SYTL3: variants seen among roughly 807,000 people sequenced by gnomAD.
SYTL3 encodes the protein synaptotagmin-like protein 3.
Under a neutral mutation model 82.1 loss-of-function variants are expected in SYTL3, and 88 were observed. The ratio of observed to expected loss-of-function variants is 1.07; its 90% confidence interval spans 0.90 to 1.28. The LOEUF is 1.28. Among genes scored for constraint, SYTL3 ranks in the 50% most tolerant of loss-of-function variants. SYTL3 has a pLI of 0.00. For missense variants in SYTL3, 831 were observed against 757.6 expected (o/e 1.10, Z -1.14); for synonymous variants, 311 against 289.4 (o/e 1.07, Z -0.76).
chr6:158,677,524 C>T (rs1279183483), intron 5 of SYTL3, among the ~76,000 whole-genome samples: 2 of 151,370 alleles, frequency 1.3e-5, no homozygotes, highest in African/African-American at 4.9e-5. Context: ...ACGTTGTGCA[C>T]ATGTACCCTA....
chr6:158,669,651 C>G (rs1777138226), intron 5 of SYTL3, among the ~76,000 whole-genome samples: 1 of 152,228 alleles, frequency 6.6e-6, no homozygotes, highest in Non-Finnish European at 1.5e-5. Flanking sequence ...CAACAAAGAG[C>G]TGCTTAAGTG....
At chr6:158,695,450 A>T (rs1780456933) in intron 6 of SYTL3, among the ~76,000 whole-genome samples, 1 of 152,174 alleles carries the variant, frequency 6.6e-6, no homozygotes, top group South Asian at 2.1e-4. Flanking sequence ...CATATGAATA[A>T]TTTTTTAAAA....
intron 7 of SYTL3, among the ~76,000 whole-genome samples, chr6:158,707,613 A>C (rs1293751816): frequency 6.6e-6 from 1 of 152,228 alleles, no homozygotes; most frequent in Non-Finnish European, 1.5e-5. Flanking sequence ...GCTTTGATTA[A>C]TCATGCCTAT....
At chr6:158,650,813 T>C (rs1351626439) in intron 1 of SYTL3, among the ~76,000 whole-genome samples, 1 of 150,222 alleles carries the variant, frequency 6.7e-6, no homozygotes, top group Non-Finnish European at 1.5e-5. Flanking sequence ...TAGCTGGGTG[T>C]GGTGGCAGGC....
chr6:158,731,208 C>T (rs555411308), intron 11 of SYTL3, among the ~76,000 whole-genome samples: 21 of 150,974 alleles, frequency 1.4e-4, no homozygotes, highest in African/African-American at 3.4e-4. Context: ...AGCTTGAACC[C>T]GGGAGGCGGA....
intron 13 of SYTL3, among the ~76,000 whole-genome samples, chr6:158,752,289 G>A (rs1788497741): frequency 6.6e-6 from 1 of 152,190 alleles, no homozygotes; most frequent in African/African-American, 2.4e-5. Context: ...TGGTGAAAAA[G>A]AACCTGGCTG....
In SYTL3 at chr6:158,663,204, G is replaced by A; in HGVS notation, c.-65G>A. The stretch of plus-strand genomic sequence containing the variant: ...AGCTGGCCTCCGCCGCTCATCTGCA[G>A]GGCGTGAGCGCTTGGTCCATGCAGT... On this transcript the variant is annotated 5_prime_UTR_variant, in exon 4 of 18. Transcript: ENST00000611299. The A allele has an allele frequency of 6.8e-7, 1 of 1,470,614 alleles. No homozygotes were observed. Among genetic ancestry groups the A allele is most frequent in the South Asian group, 1.1e-5 (1 of 87,324 alleles). The allele number at this position is 1,470,614 out of a possible 1,614,324, so 91.1% of individuals were successfully genotyped here.
chr6:158,683,195 C>T (rs1245718137), intron 6 of SYTL3, among the ~76,000 whole-genome samples: 1 of 150,912 alleles, frequency 6.6e-6, no homozygotes, highest in Non-Finnish European at 1.5e-5. Context: ...GCATTTCTAC[C>T]TCTGAGGTTG....
intron 11 of SYTL3, among the ~76,000 whole-genome samples, chr6:158,727,044 G>C (rs1303512616): frequency 6.6e-6 from 1 of 151,610 alleles, no homozygotes; most frequent in Non-Finnish European, 1.5e-5. Flanking sequence ...TAGAGACGGG[G>C]TTTCACCATG....
At chr6:158,696,362 A>ATTTTTTT (rs57832098) in intron 6 of SYTL3, among the ~76,000 whole-genome samples, 1 of 140,162 alleles carries the variant, frequency 7.1e-6, no homozygotes. Flanking sequence ...ACCACGCCTA[A>ATTTTTTT]TTTTTTTTTT....
chr6:158,655,350 T>C (rs1440214153), intron 2 of SYTL3, among the ~76,000 whole-genome samples: 1 of 152,132 alleles, frequency 6.6e-6, no homozygotes, highest in Admixed American at 6.6e-5. Flanking sequence ...GGAGTAAATC[T>C]CCGTGTCGCA....
intron 10 of SYTL3, 52 bp downstream of exon 10, chr6:158,718,263 C>G: frequency 7.3e-7 from 1 of 1,369,940 alleles, no homozygotes; most frequent in Non-Finnish European, 9.5e-7. Context: ...TGTTGTCTTC[C>G]AGAACTTTCT....
chr6:158,686,512 G>A (rs565246115), intron 6 of SYTL3, among the ~76,000 whole-genome samples: 4 of 152,138 alleles, frequency 2.6e-5, no homozygotes, highest in Non-Finnish European at 5.9e-5. Flanking sequence ...GACCAGGTTG[G>A]GTGGAGTTTG....
intron 5 of SYTL3, among the ~76,000 whole-genome samples, chr6:158,673,776 C>G (rs908819326): frequency 1.3e-5 from 2 of 150,208 alleles, no homozygotes; most frequent in Admixed American, 1.3e-4. Flanking sequence ...TTCCTTTTCT[C>G]TTTGTATTAA....
At chr6:158,744,304 C>CTTTTTTTTTTTTT (rs869182913) in intron 11 of SYTL3, among the ~76,000 whole-genome samples, 7 of 99,208 alleles carry the variant, frequency 7.1e-5, no homozygotes, top group Non-Finnish European at 1.1e-4. Context: ...CTTTTTCTTT[C>CTTTTTTTTTTTTT]TTTTTTTTTT....
chr6:158,696,453 T>A (rs576806039), intron 6 of SYTL3, among the ~76,000 whole-genome samples: 11 of 151,914 alleles, frequency 7.2e-5, no homozygotes, highest in Non-Finnish European at 1.3e-4. Context: ...TCTGCCTGCC[T>A]CGGCCTCCCA....
chr6:158,746,941 C>A (rs1787742635), intron 12 of SYTL3, among the ~76,000 whole-genome samples: 1 of 151,996 alleles, frequency 6.6e-6, no homozygotes, highest in Non-Finnish European at 1.5e-5. Context: ...GGTGTGAGCC[C>A]AGCCTTTTGA....
chr6:158,720,364 GT>G lies in SYTL3; in HGVS notation c.720+2155del, dbSNP rs546927804. On this transcript the variant is annotated intron_variant, in intron 10 of 17. Transcript: ENST00000611299. ...GATTGCAGTAAGCCGGGATCGTACT[GT>G]TATACGCTCCAGCCTGGGTGACAAG... Among the ~76,000 whole-genome samples, 8 of 127,630 alleles carry G rather than the reference GT, an allele frequency of 6.3e-5. No individual in the cohort carries two copies. In the South Asian group the frequency reaches 2.1e-3, roughly 34 times the overall value. The allele number at this position is 127,630 out of a possible 152,430, so 83.7% of individuals were successfully genotyped here. A position where few individuals can be genotyped will look rare whatever the true frequency, so the allele number is the denominator to read the frequency against.
intron 8 of SYTL3, among the ~76,000 whole-genome samples, chr6:158,710,180 C>T (rs939851589): frequency 6.6e-6 from 1 of 152,168 alleles, no homozygotes; most frequent in Admixed American, 6.5e-5. Context: ...CAATTATGAA[C>T]AGATGAACCA....
Sources: gnomAD v4.1 joint callset for allele counts (sites outside exome capture counted in the v4.1 genomes callset) on GRCh38, gnomAD v4.1.1 for gene constraint, MANE v1.5 for transcripts, NCBI Gene and HGNC (gene_info 2026-07-23, HGNC 2026-07-21) for gene names.